Variants in SLC39A8 observed in about 807,000 individuals in gnomAD.
SLC39A8 encodes solute carrier family 39 member 8.
In SLC39A8, 15 loss-of-function variants were observed where a neutral mutation model predicts 40.4. That is an observed-to-expected ratio of 0.37 (90% confidence interval 0.25 to 0.57). The LOEUF is 0.57. Ranked by LOEUF, SLC39A8 falls within the 20% of genes least tolerant of loss-of-function variation. The pLI is 0.75. For synonymous variants in SLC39A8, 223 were observed against 221.6 expected (o/e 1.01, Z -0.06); for missense variants, 472 against 558.8 (o/e 0.84, Z 1.57).
chr4:102,318,869 T>C (rs1275134686), intron 2 of SLC39A8, among the ~76,000 whole-genome samples: 2 of 152,238 alleles, frequency 1.3e-5, no homozygotes, highest in Admixed American at 6.5e-5. Flanking sequence ...TGCTTGTATC[T>C]ATGACACTGC....
At chr4:102,297,598 G>A (rs945137677) in intron 6 of SLC39A8, among the ~76,000 whole-genome samples, 67 of 151,914 alleles carry the variant, frequency 4.4e-4, no homozygotes, top group African/African-American at 1.5e-3. Flanking sequence ...TTGTAGACAC[G>A]GGAAAAGGAG....
chr4:102,293,133 C>A (rs1055464677), intron 6 of SLC39A8, among the ~76,000 whole-genome samples: 1 of 151,924 alleles, frequency 6.6e-6, no homozygotes, highest in Non-Finnish European at 1.5e-5. Flanking sequence ...CTGCTTTAAG[C>A]CTCCCTAATT....
At chr4:102,266,617 CTT>C (rs11446392) in intron 8 of SLC39A8, among the ~76,000 whole-genome samples, 11 of 149,126 alleles carry the variant, frequency 7.4e-5, no homozygotes, top group Admixed American at 2.0e-4. Context: ...CATGCACACT[CTT>C]TTTTTTTTAG....
intron 6 of SLC39A8, among the ~76,000 whole-genome samples, chr4:102,284,966 T>A (rs1161380732): frequency 6.6e-6 from 1 of 152,154 alleles, no homozygotes; most frequent in African/African-American, 2.4e-5. Flanking sequence ...TCCAATGTAA[T>A]CTCTATTGGT....
At chr4:102,272,780 A>G (rs1361645763) in intron 6 of SLC39A8, among the ~76,000 whole-genome samples, 1 of 152,024 alleles carries the variant, frequency 6.6e-6, no homozygotes, top group East Asian at 1.9e-4. Flanking sequence ...GGATGGTTAG[A>G]CAGTGGGTGC....
At chr4:102,299,820 T>C (rs1733840001) in intron 6 of SLC39A8, among the ~76,000 whole-genome samples, 1 of 151,774 alleles carries the variant, frequency 6.6e-6, no homozygotes, top group Non-Finnish European at 1.5e-5. Flanking sequence ...AGCTCCAGGG[T>C]CCCTCTAGTG....
At chr4:102,313,536 T>G (rs1460331030) in intron 3 of SLC39A8, among the ~76,000 whole-genome samples, 1 of 152,068 alleles carries the variant, frequency 6.6e-6, no homozygotes, top group East Asian at 1.9e-4. Flanking sequence ...TTCTCTATCT[T>G]TACTCTCTTT....
At chr4:102,277,117 T>C (rs188967659) in intron 6 of SLC39A8, among the ~76,000 whole-genome samples, 104 of 152,214 alleles carry the variant, frequency 6.8e-4, no homozygotes, top group African/African-American at 2.4e-3. Flanking sequence ...CTATTCAACA[T>C]AGTATTGGAA....
In SLC39A8 at chr4:102,300,938, G is replaced by C. The variant is rs566213661; in HGVS notation, c.840+3379C>G. Among the ~76,000 whole-genome samples the C allele has an allele frequency of 4.0e-5, 6 of 151,716 alleles. No individual in the cohort carries two copies. In the East Asian group the frequency reaches 9.7e-4, roughly 25 times the overall value. ...TGCAATGTAAACAAAACTGAAAATT[G>C]CAGTCTGTTGCTCAATTTGTTTAAA... On this transcript the variant is annotated intron_variant, in intron 6 of 8. Transcript: ENST00000356736.
chr4:102,281,258 C>T (rs909187073), intron 6 of SLC39A8, among the ~76,000 whole-genome samples: 7 of 152,100 alleles, frequency 4.6e-5, no homozygotes, highest in Admixed American at 1.3e-4. Flanking sequence ...TTGCTAGGAT[C>T]CTTAAAAGTA....
chr4:102,297,634 A>G (rs1294720586), intron 6 of SLC39A8, among the ~76,000 whole-genome samples: 1 of 152,006 alleles, frequency 6.6e-6, no homozygotes, highest in South Asian at 2.1e-4. Flanking sequence ...AAATGAAAAC[A>G]GGCCAGATGT....
At chr4:102,266,669 AC>A (rs33967538) in intron 8 of SLC39A8, among the ~76,000 whole-genome samples, 8,933 of 151,786 alleles carry the variant, frequency 0.059, 873 homozygotes, top group African/African-American at 0.2. Context: ...GTACAGTGGC[AC>A]AATCTCGGCT....
rs1443581957 is a variant in SLC39A8 at position 102,304,998 on chromosome 4, T to C, written c.666A>G (p.Thr222=). 3 of 1,603,736 alleles carry C rather than the reference T, an allele frequency of 1.9e-6. No individual in the cohort carries two copies. Among genetic ancestry groups the C allele is most frequent in the Admixed American group, 3.4e-5 (2 of 59,262 alleles). ...FERMLKMLLK[T]YGQNGHTHFG... is the part of the protein sequence containing the mutation. ...AATAAAGTCCATTTACCTGACCATA[T>C]GTCTTTAATAACATCTTTAGCATTC... Residue 222 remains threonine (T), a synonymous_variant, in exon 5 of 9, where the codon ACA becomes ACG. Coordinates refer to ENST00000356736, the MANE Select transcript of SLC39A8 (RefSeq NM_001135146.2).
intron 6 of SLC39A8, among the ~76,000 whole-genome samples, chr4:102,279,199 A>T (rs1011447315): frequency 6.6e-6 from 1 of 152,166 alleles, no homozygotes; most frequent in East Asian, 1.9e-4. Flanking sequence ...GGACTTGATG[A>T]GTTTGATGGC....
At chr4:102,338,343 C>T (rs1292400310) in intron 2 of SLC39A8, among the ~76,000 whole-genome samples, 2 of 152,014 alleles carry the variant, frequency 1.3e-5, no homozygotes, top group Non-Finnish European at 2.9e-5. Flanking sequence ...CCCACCACTA[C>T]TCCCGGCTAA....
At chr4:102,256,162 GA>G (rs892827383) in intron 11 of SLC39A8, among the ~76,000 whole-genome samples, 10 of 152,174 alleles carry the variant, frequency 6.6e-5, no homozygotes, top group African/African-American at 2.4e-4. Context: ...GACTCCCAAA[GA>G]AAAAACATTG....
At chr4:102,291,798 T>G (rs1376471111) in intron 6 of SLC39A8, among the ~76,000 whole-genome samples, 1 of 151,906 alleles carries the variant, frequency 6.6e-6, no homozygotes, top group African/African-American at 2.4e-5. Flanking sequence ...AGCATCAAAA[T>G]TCAATCCATC....
intron 6 of SLC39A8, among the ~76,000 whole-genome samples, chr4:102,298,188 T>A (rs750488791): frequency 5.3e-5 from 8 of 151,956 alleles, no homozygotes; most frequent in Non-Finnish European, 1.2e-4. Flanking sequence ...AAAAAAACTT[T>A]AGAACAGTTT....
chr4:102,300,557 A>C (rs1453692866), intron 6 of SLC39A8, among the ~76,000 whole-genome samples: 2 of 152,036 alleles, frequency 1.3e-5, no homozygotes, highest in Non-Finnish European at 2.9e-5. Flanking sequence ...TTTTCACATA[A>C]TTTACATTCT....
Sources: allele counts gnomAD v4.1 joint callset (sites outside exome capture counted in the v4.1 genomes callset), GRCh38; gene constraint gnomAD v4.1.1; transcripts MANE v1.5; gene names NCBI Gene and HGNC (gene_info 2026-07-23, HGNC 2026-07-21).